RSPH10B: variants seen among roughly 807,000 people sequenced by gnomAD.
The protein encoded by RSPH10B is radial spoke head 10 homolog B, also known as radial spoke head 10 homolog B (Chlamydomonas).
In RSPH10B, 7 loss-of-function variants were observed where a neutral mutation model predicts 52.5. The observed-to-expected ratio is 0.13, with a 90% CI of 0.08 to 0.25. The LOEUF is 0.25. Among genes scored for constraint, RSPH10B ranks in the 10% least tolerant of loss-of-function variants. RSPH10B has a pLI of 1.00. For missense variants in RSPH10B, 89 were observed against 542.5 expected (o/e 0.16, Z 8.30); for synonymous variants, 28 against 193.2 (o/e 0.14, Z 7.09).
At chr7:5,937,086 C>CAAAAA (rs1246119855) in intron 15 of RSPH10B, among the ~76,000 whole-genome samples, 562 of 25,044 alleles carry the variant, frequency 0.022, 1 homozygote, top group Middle Eastern at 0.1. Flanking sequence ...AGCTCTGTCT[C>CAAAAA]AAAAAAAAAA....
At chr7:5,928,167 G>C (rs773358748) in intron 18 of RSPH10B, 29 bp downstream of exon 20, 4 of 1,605,490 alleles carry the variant, frequency 2.5e-6, no homozygotes, top group Middle Eastern at 1.7e-4. Flanking sequence ...GAGCAGCTGG[G>C]GAAGGAGAGG....
At chr7:5,957,534 G>C (rs1296799520) in intron 6 of RSPH10B, among the ~76,000 whole-genome samples, 3 of 25,180 alleles carry the variant, frequency 1.2e-4, no homozygotes, top group African/African-American at 4.2e-4. Context: ...GCCTGTAATC[G>C]CAGCACTTTA....
At position 5,927,070 on chromosome 7, in the gene RSPH10B, A is replaced by ATATGTG. The variant is rs1554284566; in HGVS notation, c.2433-523_2433-522insCACATA. The stretch of plus-strand genomic sequence containing the variant: ...GTATTATGTGTGTGTGTGTGTGTAT[A>ATATGTG]TGTGTGTGTGTGTGTGTGTGTGTGT... On this transcript the variant is annotated intron_variant, in intron 18 of 18. Coordinates refer to ENST00000337579, the Ensembl canonical transcript of RSPH10B. 1.3e-4 allele frequency among the ~76,000 whole-genome samples: 14 copies of ATATGTG among 110,702 alleles called. 1 individual carries two copies. Among genetic ancestry groups the ATATGTG allele is most frequent in the South Asian group, 6.0e-4 (2 of 3,342 alleles). The allele number at this position is 110,702 out of a possible 152,430, so 72.6% of individuals were successfully genotyped here. A position where few individuals can be genotyped will look rare whatever the true frequency, so the allele number is the denominator to read the frequency against.
chr7:5,947,700 A>G (rs1428840219), intron 10 of RSPH10B, among the ~76,000 whole-genome samples: 1 of 96,546 alleles, frequency 1.0e-5, no homozygotes, highest in African/African-American at 3.8e-5. Context: ...GGGCAACAAG[A>G]GTGAAACTCT....
intron 3 of RSPH10B, chr7:5,963,458 AT>A (rs1562581272): frequency 8.0e-6 from 1 of 124,470 alleles, no homozygotes; most frequent in Non-Finnish European, 1.7e-5. Flanking sequence ...CTCCGTTTCC[AT>A]CATTGCCTGT....
intron 13 of RSPH10B, among the ~76,000 whole-genome samples, chr7:5,940,935 TA>T (rs1562565131): frequency 1.4e-5 from 1 of 69,914 alleles, no homozygotes; most frequent in African/African-American, 5.4e-5. Flanking sequence ...ATAATAATAA[TA>T]ATAATAATTA....
At chr7:5,927,100 T>TGTGTGTGTGTA (rs1779530712) in intron 18 of RSPH10B, among the ~76,000 whole-genome samples, 1 of 63,638 alleles carries the variant, frequency 1.6e-5, no homozygotes, top group African/African-American at 5.2e-5. Context: ...GTGTGTGTAT[T>TGTGTGTGTGTA]TTTTTTTTTG....
intron 11 of RSPH10B, 21 bp downstream of exon 13, chr7:5,945,042 AG>A: frequency 3.7e-6 from 2 of 535,414 alleles, no homozygotes; most frequent in Non-Finnish European, 6.9e-6. Context: ...TCCCCCAACA[AG>A]GGTCCAGAAA....
At chr7:5,944,945 A>G in intron 11 of RSPH10B, 119 bp downstream of exon 13, 1 of 596,720 alleles carries the variant, frequency 1.7e-6, no homozygotes, top group Non-Finnish European at 3.0e-6. Context: ...CCTGGGCGAC[A>G]GAGCAAGACT....
chr7:5,927,347 G>A (rs75381563), intron 18 of RSPH10B, among the ~76,000 whole-genome samples: 16,687 of 36,182 alleles, frequency 0.46, 2,745 homozygotes, highest in Middle Eastern at 0.6. Context: ...GCACCCCAAA[G>A]TGCTGGGGTT....
At chr7:5,943,200 C>T in intron 13 of RSPH10B, 124 bp downstream of exon 15, 1 of 1,531,342 alleles carries the variant, frequency 6.5e-7, no homozygotes. Flanking sequence ...ATTTAATGGT[C>T]CTGAAAATCC....
At chr7:5,927,068 A>ATTG (rs1162615266) in intron 18 of RSPH10B, among the ~76,000 whole-genome samples, 1 of 54,860 alleles carries the variant, frequency 1.8e-5, no homozygotes, top group African/African-American at 8.3e-5. Context: ...GTGTGTGTGT[A>ATTG]TATGTGTGTG....
At chr7:5,968,787 G>A (rs1322135331), upstream of RSPH10B, among the ~76,000 whole-genome samples, 5 of 57,452 alleles carry the variant, frequency 8.7e-5, no homozygotes, top group Non-Finnish European at 2.2e-4. Flanking sequence ...GATTACAGGC[G>A]TGAGTCACCG....
At chr7:5,927,058 G>GTATGTATA (rs1562553153) in intron 18 of RSPH10B, among the ~76,000 whole-genome samples, 12 of 83,016 alleles carry the variant, frequency 1.4e-4, no homozygotes, top group Non-Finnish European at 2.4e-4. Flanking sequence ...TTATGTGTGT[G>GTATGTATA]TGTGTGTGTA....
intron 5 of RSPH10B, 110 bp from the exon 8 acceptor site, chr7:5,958,137 C>T: frequency 2.9e-6 from 1 of 350,210 alleles, no homozygotes; most frequent in Non-Finnish European, 5.2e-6. Context: ...AAATCCACCC[C>T]TTGTACTTAT....
At chr7:5,942,516 C>G (rs1780247875) in intron 13 of RSPH10B, among the ~76,000 whole-genome samples, 1 of 135,318 alleles carries the variant, frequency 7.4e-6, no homozygotes, top group South Asian at 2.3e-4. Context: ...AGGGGTGCCC[C>G]GCTGTACTCG....
At chr7:5,956,812 G>T (rs1780745502) in intron 6 of RSPH10B, among the ~76,000 whole-genome samples, 1 of 91,068 alleles carries the variant, frequency 1.1e-5, no homozygotes, top group Non-Finnish European at 2.4e-5. Context: ...CAATCCTCAG[G>T]TGGTCTCCCA....
intron 17 of RSPH10B, among the ~76,000 whole-genome samples, chr7:5,929,152 C>T (rs1308176956): frequency 6.9e-6 from 1 of 145,882 alleles, no homozygotes; most frequent in Non-Finnish European, 1.5e-5. Context: ...GCTGAGAATA[C>T]AGGCATGTAC....
At chr7:5,953,691 A>C (rs921563625) in intron 7 of RSPH10B, 1 of 170,974 alleles carries the variant, frequency 5.8e-6, no homozygotes, top group African/African-American at 2.4e-5. Flanking sequence ...CATGCACTGT[A>C]TAAGTCCTCT....
Sources: gnomAD v4.1 joint callset for allele counts (sites outside exome capture counted in the v4.1 genomes callset) on GRCh38, gnomAD v4.1.1 for gene constraint, MANE v1.5 for transcripts, NCBI Gene and HGNC (gene_info 2026-07-23, HGNC 2026-07-21) for gene names.